GREB1L: variants seen among roughly 807,000 people sequenced by gnomAD.
The protein encoded by GREB1L is GREB1-like protein.
A neutral mutation model predicts 200.8 loss-of-function variants in GREB1L; 17 were observed. The ratio of observed to expected loss-of-function variants is 0.08; its 90% CI spans 0.06 to 0.13. GREB1L has a LOEUF of 0.13. Among genes scored for constraint, GREB1L ranks in the 10% least tolerant of loss-of-function variants. The pLI is 1.00. For synonymous variants in GREB1L, 789 were observed against 893.0 expected, an observed-to-expected ratio of 0.88 and a Z score of 2.08; for missense variants, 1,657 against 2,367.7, an observed-to-expected ratio of 0.70 and a Z score of 6.23.
At position 21,439,690 on chromosome 18, in the gene GREB1L, G is replaced by C. The variant is rs1175814835; in HGVS notation, c.949+53G>C. ...ATAATGCACTTACCAGTGGTTACAAGTGCTCCAGATTTTGTAATGAATTAT... is the reference window on the plus strand; with the variant it reads ...ATAATGCACTTACCAGTGGTTACAACTGCTCCAGATTTTGTAATGAATTAT... On this transcript the variant is annotated intron_variant, in intron 8 of 32. Coordinates refer to ENST00000424526, the MANE Select transcript of GREB1L (RefSeq NM_001142966.3). The C allele has an allele frequency of 3.6e-6, 4 of 1,118,816 alleles. No individual in the cohort carries two copies. In the African/African-American group the frequency reaches 6.2e-5, roughly 17 times the overall value. The allele number at this position is 1,118,816 out of a possible 1,614,324, so 69.3% of individuals were successfully genotyped here.
chr18:21,489,389 GCTAT>G (rs1187384930), intron 18 of GREB1L, among the ~76,000 whole-genome samples: 3 of 152,172 alleles, frequency 2.0e-5, no homozygotes, highest in Admixed American at 2.0e-4. Flanking sequence ...GATAGAAATT[GCTAT>G]CTGTGAGGCT....
intron 1 of GREB1L, among the ~76,000 whole-genome samples, chr18:21,338,829 G>A (rs8098817): frequency 1.3e-5 from 2 of 152,118 alleles, no homozygotes; most frequent in Non-Finnish European, 2.9e-5. Flanking sequence ...CAGAATGAAA[G>A]GTTATAAAGG....
At chr18:21,441,230 C>T (rs2033881885) in intron 9 of GREB1L, among the ~76,000 whole-genome samples, 170 bp from the exon 10 acceptor site, 2 of 152,024 alleles carry the variant, frequency 1.3e-5, no homozygotes, top group African/African-American at 2.4e-5. Context: ...AATTTTTTTT[C>T]TCCTTTTGTT....
At chr18:21,397,607 A>G (rs1015691322) in intron 5 of GREB1L, among the ~76,000 whole-genome samples, 1 of 151,942 alleles carries the variant, frequency 6.6e-6, no homozygotes, top group Non-Finnish European at 1.5e-5. Flanking sequence ...AGGCTGAGGC[A>G]GGAGAATAGC....
chr18:21,321,765 A>T (rs934999564), intron 1 of GREB1L, among the ~76,000 whole-genome samples: 3 of 152,226 alleles, frequency 2.0e-5, no homozygotes, highest in African/African-American at 7.2e-5. Context: ...TTGTTCAAAT[A>T]ATTTGTGCAT....
At chr18:21,252,793 G>A (rs538543618) in intron 1 of GREB1L, among the ~76,000 whole-genome samples, 47 of 152,084 alleles carry the variant, frequency 3.1e-4, no homozygotes, top group African/African-American at 1.0e-3. Context: ...GCTTGAACCC[G>A]GGAGGCGGAG....
intron 27 of GREB1L, among the ~76,000 whole-genome samples, chr18:21,513,404 T>C (rs1038111711): frequency 4.6e-5 from 7 of 152,192 alleles, no homozygotes; most frequent in Non-Finnish European, 8.8e-5. Context: ...GTACAGGACA[T>C]GTGAGTGGCT....
At chr18:21,445,197 G>A (rs1281242825) in intron 11 of GREB1L, among the ~76,000 whole-genome samples, 4 of 152,210 alleles carry the variant, frequency 2.6e-5, no homozygotes, top group Admixed American at 2.0e-4. Context: ...AGATGTGGCC[G>A]GGCACGGTGG....
chr18:21,338,499 C>T (rs1195179762), intron 1 of GREB1L, among the ~76,000 whole-genome samples: 1 of 152,266 alleles, frequency 6.6e-6, no homozygotes, highest in Non-Finnish European at 1.5e-5. Flanking sequence ...TTCCTTGCTA[C>T]TCCAGTTTAT....
In GREB1L at chr18:21,383,498, G is replaced by T. The variant is rs779525970; in HGVS notation, c.-9-12G>T. On this transcript the variant is annotated splice_polypyrimidine_tract_variant and intron_variant, in intron 2 of 32. Coordinates refer to ENST00000424526, the MANE Select transcript of GREB1L (RefSeq NM_001142966.3). ...AATTTTATCCTTTCTTCTTTTTCTTGGGGATGGGTAGGTGTAGATCATGGG... is the reference window on the plus strand; with the variant it reads ...AATTTTATCCTTTCTTCTTTTTCTTTGGGATGGGTAGGTGTAGATCATGGG... The T allele has an allele frequency of 2.0e-6, 3 of 1,491,536 alleles. No homozygotes were observed. The African/African-American group carries it at 4.3e-5, about 21-fold the overall frequency. 92.4% of individuals were successfully genotyped at this position (1,491,536 alleles called of 1,614,324 possible).
intron 2 of GREB1L, among the ~76,000 whole-genome samples, chr18:21,368,135 A>G (rs2039743111): frequency 6.6e-6 from 1 of 152,246 alleles, no homozygotes; most frequent in Non-Finnish European, 1.5e-5. Context: ...TAAATTTACA[A>G]TATCTACTAC....
intron 1 of GREB1L, among the ~76,000 whole-genome samples, chr18:21,246,312 C>T (rs1314126224): frequency 8.5e-5 from 13 of 152,066 alleles, no homozygotes; most frequent in Non-Finnish European, 1.8e-4. Flanking sequence ...TAAATGTTAG[C>T]TCTTATTTTT....
Position 21,401,211 on chromosome 18 carries a change from C to T in GREB1L, c.594C>T (p.Ser198=), listed in dbSNP as rs770628852. 3.7e-5 allele frequency: 58 copies of T among 1,551,394 alleles called. No homozygotes were observed. The highest frequency in any genetic ancestry group is 4.1e-5 in the Non-Finnish European group (47 of 1,146,900). Residue 198 remains serine, a synonymous_variant, in exon 6 of 33, where the codon TCC becomes TCT. Coordinates refer to ENST00000424526, the MANE Select transcript of GREB1L (RefSeq NM_001142966.3). ...GATTTCGATATTTCACGGAATTTTC[C>T]AACCACATTAACTTGAAGCTCACCA... is the stretch of plus-strand genomic sequence containing the variant. The part of the protein sequence containing the change: ...ERGFRYFTEF[S]NHINLKLTTQ...
chr18:21,444,003 C>T (rs560765146), intron 10 of GREB1L, among the ~76,000 whole-genome samples: 1 of 152,334 alleles, frequency 6.6e-6, no homozygotes, highest in Admixed American at 6.5e-5. Flanking sequence ...CATAGAGGGC[C>T]AACTGTATTT....
In GREB1L at chr18:21,248,138, T is replaced by C. The variant is rs529652072; in HGVS notation, c.-120+5745T>C. ...TCTCTAAATTTAATTCAGGTAGGAA[T>C]TGTAAACTCAGATGTGTGGAGGGGC... On this transcript the variant is annotated intron_variant, in intron 1 of 32. Transcript: ENST00000424526. Among the ~76,000 whole-genome samples the C allele has an allele frequency of 4.9e-4, 75 of 152,344 alleles. No homozygotes were observed. The South Asian group carries it at 9.5e-3, about 19-fold the overall frequency.
Position 21,330,957 on chromosome 18 carries a change from A to T in GREB1L, c.-119-35070A>T, listed in dbSNP as rs577507422. On this transcript the variant is annotated intron_variant, in intron 1 of 32. Transcript: ENST00000424526. ...CTCTTTAATGGAAATGTCCATCTGC[A>T]TACAGTATAGGTTATAACACTTTCT... Among the ~76,000 whole-genome samples, 5 of 152,342 alleles carry T rather than the reference A, an allele frequency of 3.3e-5. No homozygotes were observed. In the East Asian group the frequency reaches 9.6e-4, roughly 29 times the overall value.
chr18:21,393,297 G>GTT (rs1157031323), intron 4 of GREB1L, among the ~76,000 whole-genome samples: 2 of 151,766 alleles, frequency 1.3e-5, no homozygotes, highest in South Asian at 2.1e-4. Flanking sequence ...CTGAAATAGC[G>GTT]TTTTTTTCCC....
chr18:21,327,519 C>T (rs973575050), intron 1 of GREB1L, among the ~76,000 whole-genome samples: 1 of 152,118 alleles, frequency 6.6e-6, no homozygotes, highest in Non-Finnish European at 1.5e-5. Flanking sequence ...GTTCCTCTTC[C>T]TGTTCCCACT....
chr18:21,375,550 T>G (rs571059623), intron 2 of GREB1L, among the ~76,000 whole-genome samples: 1 of 152,270 alleles, frequency 6.6e-6, no homozygotes, highest in South Asian at 2.1e-4. Context: ...GATTTTTTTC[T>G]TTGGAGGTCA....
Sources: gnomAD v4.1 joint callset for allele counts (sites outside exome capture counted in the v4.1 genomes callset) on GRCh38, gnomAD v4.1.1 for gene constraint, MANE v1.5 for transcripts, NCBI Gene and HGNC (gene_info 2026-07-23, HGNC 2026-07-21) for gene names.